OPN5: variants seen among roughly 807,000 people sequenced by gnomAD.
OPN5 encodes opsin 5, also known as opsin-5.
OPN5 carries 18 observed loss-of-function variants against 41.7 expected under a neutral mutation model. The observed-to-expected ratio is 0.43, with a 90% CI of 0.30 to 0.64. The LOEUF (loss-of-function observed/expected upper bound fraction) is 0.64. OPN5 is among the 30% of genes least tolerant of loss of function. The pLI, the probability that OPN5 is intolerant of heterozygous loss-of-function variation, is 0.13. For missense variants in OPN5, 318 were observed against 434.5 expected (o/e 0.73, Z 2.38); for synonymous variants, 178 against 164.3 (o/e 1.08, Z -0.64).
intron 4 of OPN5, among the ~76,000 whole-genome samples, chr6:47,800,891 T>G (rs140022912): frequency 4.3e-4 from 65 of 152,334 alleles, no homozygotes; most frequent in African/African-American, 1.5e-3. Context: ...TAAATATTAT[T>G]ATGCTATACA....
At chr6:47,802,219 G>A (rs1017329001) in intron 4 of OPN5, among the ~76,000 whole-genome samples, 1 of 152,134 alleles carries the variant, frequency 6.6e-6, no homozygotes, top group Non-Finnish European at 1.5e-5. Context: ...GCATCTAGGG[G>A]CAGGGAATTC....
intron 4 of OPN5, among the ~76,000 whole-genome samples, chr6:47,806,879 C>T (rs1185869140): frequency 6.6e-6 from 1 of 152,146 alleles, no homozygotes; most frequent in Non-Finnish European, 1.5e-5. Flanking sequence ...CTCAGTAGGC[C>T]AGGCGCGATG....
intron 2 of OPN5, among the ~76,000 whole-genome samples, chr6:47,788,106 G>A (rs532810681): frequency 6.6e-6 from 1 of 152,268 alleles, no homozygotes; most frequent in East Asian, 1.9e-4. Flanking sequence ...AACGCTTATG[G>A]TGAATGCACA....
intron 4 of OPN5, among the ~76,000 whole-genome samples, chr6:47,806,986 T>C (rs1031149980): frequency 1.3e-5 from 2 of 152,068 alleles, no homozygotes; most frequent in Non-Finnish European, 2.9e-5. Flanking sequence ...GGTGAAACCC[T>C]GTCTCTACAA....
At chr6:47,824,838 T>A (rs1762744845), downstream of OPN5, 1 of 151,804 alleles carries the variant, frequency 6.6e-6, no homozygotes, top group Non-Finnish European at 1.5e-5. Flanking sequence ...TTTTTTTTTG[T>A]CAAATGCGAT....
intron 3 of OPN5, among the ~76,000 whole-genome samples, chr6:47,793,977 T>C (rs1773464075): frequency 6.6e-6 from 1 of 151,368 alleles, no homozygotes; most frequent in African/African-American, 2.4e-5. Context: ...CAAAATGCCA[T>C]GTATTTGAAA....
At chr6:47,820,133 T>TAGAGAGAGAG (rs5876036) in intron 6 of OPN5, among the ~76,000 whole-genome samples, 12 of 149,496 alleles carry the variant, frequency 8.0e-5, no homozygotes, top group Non-Finnish European at 1.0e-4. Context: ...TCCTTTTGAA[T>TAGAGAGAGAG]AGAGAGAGAG....
At chr6:47,808,888 A>G (rs1383516470) in intron 5 of OPN5, among the ~76,000 whole-genome samples, 1 of 152,166 alleles carries the variant, frequency 6.6e-6, no homozygotes, top group Non-Finnish European at 1.5e-5. Flanking sequence ...ATTTCACAAG[A>G]GTCTTGGGTT....
intron 1 of OPN5, among the ~76,000 whole-genome samples, chr6:47,785,370 G>A (rs1773169231): frequency 6.6e-6 from 1 of 152,144 alleles, no homozygotes; most frequent in African/African-American, 2.4e-5. Flanking sequence ...CCATTAAGCA[G>A]CACTGACTCC....
At chr6:47,796,521 C>G (rs1392987560) in intron 4 of OPN5, among the ~76,000 whole-genome samples, 1 of 151,684 alleles carries the variant, frequency 6.6e-6, no homozygotes, top group East Asian at 1.9e-4. Context: ...ATATTAGCAC[C>G]CCCTAATTTA....
chr6:47,783,736 G>A (rs1380069132), intron 1 of OPN5, among the ~76,000 whole-genome samples: 3 of 152,122 alleles, frequency 2.0e-5, no homozygotes, highest in African/African-American at 7.2e-5. Context: ...ACATTCTGCT[G>A]GAACAGAAAC....
At chr6:47,787,223 T>A (rs1773219701) in intron 2 of OPN5, 1 of 948,584 alleles carries the variant, frequency 1.1e-6, no homozygotes. Context: ...GGGGAAGTTC[T>A]GAATTAAGTC....
chr6:47,817,052 C>T (rs1762449541), intron 6 of OPN5, among the ~76,000 whole-genome samples: 1 of 152,058 alleles, frequency 6.6e-6, no homozygotes, highest in Admixed American at 6.6e-5. Context: ...ACTGGTAGCT[C>T]TGCCACAGGA....
chr6:47,806,351 A>G (rs752052931), intron 4 of OPN5, among the ~76,000 whole-genome samples: 21 of 152,272 alleles, frequency 1.4e-4, no homozygotes, highest in Middle Eastern at 6.8e-3. Flanking sequence ...TTTAAATAAA[A>G]ACCAAAGTTT....
chr6:47,787,195 A>T lies in OPN5; in HGVS notation c.250+561A>T, dbSNP rs140575462. The T allele has an allele frequency of 3.4e-4, 332 of 979,962 alleles. 3 individuals are homozygous for T. In the East Asian group the frequency reaches 0.03, roughly 87 times the overall value. The allele number at this position is 979,962 out of a possible 1,614,324, so 60.7% of individuals were successfully genotyped here. ...TCTGGTTCAGTGGTCCTCAAATGCA[A>T]CTCACAAAATATCATCTGGGGAAGT... On this transcript the variant is annotated intron_variant, in intron 2 of 6. Coordinates refer to ENST00000371211, the Ensembl canonical transcript of OPN5.
chr6:47,812,219 G>T (rs2113994743), intron 6 of OPN5, among the ~76,000 whole-genome samples: 1 of 152,222 alleles, frequency 6.6e-6, no homozygotes, highest in South Asian at 2.1e-4. Context: ...TTTGTACTCT[G>T]ATGGCAGTGA....
chr6:47,822,167 C>T (rs999249255), intron 6 of OPN5, among the ~76,000 whole-genome samples: 5 of 150,910 alleles, frequency 3.3e-5, no homozygotes, highest in African/African-American at 1.2e-4. Context: ...TTATACACTC[C>T]ACAGTTTGAG....
chr6:47,819,734 A>G (rs988357107), intron 6 of OPN5, among the ~76,000 whole-genome samples: 12 of 152,218 alleles, frequency 7.9e-5, no homozygotes, highest in African/African-American at 2.9e-4. Flanking sequence ...TGCAAACATA[A>G]ATGAGGAATG....
intron 4 of OPN5, among the ~76,000 whole-genome samples, chr6:47,801,542 T>C (rs1481533395): frequency 3.9e-5 from 6 of 152,196 alleles, no homozygotes; most frequent in Admixed American, 3.3e-4. Flanking sequence ...AAAGTTGAAC[T>C]GTATTGCTTT....
Sources: gnomAD v4.1 joint callset for allele counts (sites outside exome capture counted in the v4.1 genomes callset) on GRCh38, gnomAD v4.1.1 for gene constraint, MANE v1.5 for transcripts, NCBI Gene and HGNC (gene_info 2026-07-23, HGNC 2026-07-21) for gene names.